SIK3: variants seen among roughly 807,000 people sequenced by gnomAD.
SIK3 encodes the protein serine/threonine-protein kinase SIK3.
In SIK3, 28 loss-of-function variants were observed where a neutral mutation model predicts 144.2. The ratio of observed to expected loss-of-function variants is 0.19; its 90% CI spans 0.14 to 0.27. The LOEUF (loss-of-function observed/expected upper bound fraction) is 0.27. Ranked by LOEUF, SIK3 falls within the 10% of genes least tolerant of loss-of-function variation. The pLI is 1.00. For missense variants in SIK3, 1,319 were observed against 1,776.0 expected (o/e 0.74, Z 4.62); for synonymous variants, 686 against 676.3 (o/e 1.01, Z -0.22).
chr11:117,011,519 A>AT (rs201883643), intron 1 of SIK3, among the ~76,000 whole-genome samples: 19 of 150,104 alleles, frequency 1.3e-4, no homozygotes, highest in Admixed American at 3.3e-4. Flanking sequence ...TTAAACGGAA[A>AT]TTTTTTTTTT....
intron 1 of SIK3, among the ~76,000 whole-genome samples, chr11:116,990,552 A>T (rs7939934): frequency 0.31 from 47,553 of 151,696 alleles, 8,478 homozygotes; most frequent in African/African-American, 0.49. Context: ...TAAATTTTTT[A>T]AAAAAAGAAA....
chr11:117,044,304 T>C (rs17120241), intron 1 of SIK3, among the ~76,000 whole-genome samples: 24,711 of 152,148 alleles, frequency 0.16, 2,125 homozygotes, highest in Admixed American at 0.21. Flanking sequence ...TTAGTACTTA[T>C]AAAAACCCAT....
At chr11:116,953,406 A>G (rs1949023741) in intron 3 of SIK3, among the ~76,000 whole-genome samples, 1 of 152,158 alleles carries the variant, frequency 6.6e-6, no homozygotes, top group Non-Finnish European at 1.5e-5. Context: ...ACTTGGCTCC[A>G]TTTATCACTG....
chr11:116,859,690 G>A (rs894699314), intron 19 of SIK3, 86 bp from the exon 20 acceptor site: 22 of 1,142,424 alleles, frequency 1.9e-5, no homozygotes, highest in Admixed American at 6.4e-5. Flanking sequence ...ATACTCAGAC[G>A]ACATACCAGC....
At chr11:116,848,625 G>A (rs1257898755) in intron 22 of SIK3, among the ~76,000 whole-genome samples, 2 of 152,178 alleles carry the variant, frequency 1.3e-5, no homozygotes, top group Admixed American at 6.5e-5. Context: ...AAACTACAGG[G>A]AACAGATGGC....
intron 21 of SIK3, among the ~76,000 whole-genome samples, chr11:116,856,003 C>T (rs940538327): frequency 6.6e-6 from 1 of 152,116 alleles, no homozygotes; most frequent in Admixed American, 6.5e-5. Context: ...CGAGACCATC[C>T]TGGCTAACAC....
At position 117,098,227 on chromosome 11, in the gene SIK3, G is replaced by A; in HGVS notation, c.189C>T (p.Ile63=). The A allele has an allele frequency of 1.3e-6, 2 of 1,500,906 alleles. No individual in the cohort carries two copies. Among genetic ancestry groups the A allele is most frequent in the Non-Finnish European group, 1.8e-6 (2 of 1,124,230 alleles). 93.0% of individuals were successfully genotyped at this position (1,500,906 alleles called of 1,614,324 possible). The change falls in exon 1 of 25, where the codon ATC becomes ATT. Residue 63 remains isoleucine (I), a synonymous_variant. Transcript: ENST00000445177. The stretch of plus-strand genomic sequence containing the variant: ...TGGTGCGGTCGATCTCGTAGTAGCC[G>A]ATACGGGCGGGCATGGGTCCGCGGG... ...PASRGPMPAR[I]GYYEIDRTIG... is the part of the protein sequence containing the mutation.
intron 1 of SIK3, among the ~76,000 whole-genome samples, chr11:117,094,015 A>G (rs1393549288): frequency 1.3e-5 from 2 of 152,182 alleles, no homozygotes; most frequent in Admixed American, 6.5e-5. Context: ...TGCTGCTCTA[A>G]GAGCTTTACA....
intron 1 of SIK3, among the ~76,000 whole-genome samples, chr11:116,970,633 A>G (rs1458800010): frequency 6.6e-6 from 1 of 152,050 alleles, no homozygotes; most frequent in Non-Finnish European, 1.5e-5. Context: ...AACAGGCATG[A>G]GCCACCACGC....
chr11:117,082,264 C>A lies in SIK3; in HGVS notation c.273+15879G>T, dbSNP rs12286003. ...AACAAGGAGTCACCACATGACCAAG[C>A]GATTCCACTCCTAGGTATATGCCCA... On this transcript the variant is annotated intron_variant, in intron 1 of 24. Coordinates refer to ENST00000445177, the MANE Select transcript of SIK3 (RefSeq NM_001366686.3). Among the ~76,000 whole-genome samples, 533 of 152,222 alleles carry A rather than the reference C, an allele frequency of 3.5e-3. 5 individuals are homozygous for A. The highest frequency in any genetic ancestry group is 0.012 in the African/African-American group (514 of 41,538).
At chr11:117,019,513 TA>T (rs1229261692) in intron 1 of SIK3, among the ~76,000 whole-genome samples, 2 of 152,178 alleles carry the variant, frequency 1.3e-5, no homozygotes, top group African/African-American at 4.8e-5. Context: ...AAGTAAATTT[TA>T]AAAGTAAAAG....
intron 1 of SIK3, among the ~76,000 whole-genome samples, chr11:117,005,345 A>AG (rs1278719840): frequency 6.6e-6 from 1 of 150,380 alleles, no homozygotes; most frequent in African/African-American, 2.4e-5. Flanking sequence ...AGAAAAAAAA[A>AG]AAAAAAAAAA....
intron 1 of SIK3, among the ~76,000 whole-genome samples, chr11:116,974,434 G>T (rs1164691488): frequency 6.6e-6 from 1 of 152,082 alleles, no homozygotes; most frequent in African/African-American, 2.4e-5. Context: ...TTGAAACAGG[G>T]TCTTTGTCAC....
intron 1 of SIK3, among the ~76,000 whole-genome samples, chr11:117,047,025 G>A (rs1382339645): frequency 1.3e-5 from 2 of 151,840 alleles, no homozygotes; most frequent in Non-Finnish European, 2.9e-5. Flanking sequence ...GCCATTTATC[G>A]GTCTCCCTGA....
chr11:116,929,536 T>C (rs1947479026), intron 3 of SIK3, among the ~76,000 whole-genome samples: 3 of 152,192 alleles, frequency 2.0e-5, no homozygotes, highest in Admixed American at 2.0e-4. Context: ...GATTGGAAAG[T>C]TCTCAAAACT....
intron 4 of SIK3, among the ~76,000 whole-genome samples, chr11:116,926,409 A>G (rs1242919526): frequency 1.3e-5 from 2 of 152,214 alleles, no homozygotes; most frequent in Non-Finnish European, 2.9e-5. Context: ...AAGTGCTCTC[A>G]AGGCACTGTC....
At chr11:116,873,750 G>C (rs1443056413) in intron 12 of SIK3, 114 bp from the exon 13 acceptor site, 2 of 1,465,504 alleles carry the variant, frequency 1.4e-6, no homozygotes, top group Non-Finnish European at 1.8e-6. Context: ...ACAGAGACTA[G>C]AGGACGCTTC....
intron 4 of SIK3, among the ~76,000 whole-genome samples, chr11:116,926,189 T>C (rs1000078840): frequency 6.6e-6 from 1 of 152,244 alleles, no homozygotes; most frequent in Non-Finnish European, 1.5e-5. Flanking sequence ...TAGTTTTCTA[T>C]ATGAGATGTC....
At chr11:117,039,356 C>T (rs1952646429) in intron 1 of SIK3, among the ~76,000 whole-genome samples, 1 of 152,106 alleles carries the variant, frequency 6.6e-6, no homozygotes, top group South Asian at 2.1e-4. Flanking sequence ...CTTAAGTGAT[C>T]CTCCCACTTC....
Sources: gnomAD v4.1 joint callset for allele counts (sites outside exome capture counted in the v4.1 genomes callset) on GRCh38, gnomAD v4.1.1 for gene constraint, MANE v1.5 for transcripts, NCBI Gene and HGNC (gene_info 2026-07-23, HGNC 2026-07-21) for gene names.